CD36: variants seen among roughly 807,000 people sequenced by gnomAD.
CD36 encodes CD36 molecule (CD36 blood group), also known as platelet glycoprotein 4.
Under a neutral mutation model 55.2 loss-of-function variants are expected in CD36, and 119 were observed. The observed-to-expected ratio is 2.15, with a 90% CI of 1.86 to 2.51. The LOEUF is 2.51. CD36 is among the 30% of genes most tolerant of loss of function. CD36 has a pLI of 0.00. For missense variants in CD36, 819 were observed against 555.5 expected, an observed-to-expected ratio of 1.47 and a Z score of -4.77; for synonymous variants, 186 against 193.6, an observed-to-expected ratio of 0.96 and a Z score of 0.33.
rs1366012685 is a variant in CD36 at position 80,673,351 on chromosome 7, A to G, written c.1200-4A>G. The G allele has an allele frequency of 7.4e-7, 1 of 1,348,074 alleles. No individual in the cohort carries two copies. Among genetic ancestry groups the G allele is most frequent in the Non-Finnish European group, 1.1e-6 (1 of 941,420 alleles). The allele number at this position is 1,348,074 out of a possible 1,614,324, so 83.5% of individuals were successfully genotyped here. On this transcript the variant is annotated splice_polypyrimidine_tract_variant and splice_region_variant and intron_variant, in intron 12 of 14. Transcript: ENST00000447544. ...TTCATAATTATTTTCAACGTATATT[A>G]CAGAGTATTAAAGAATCTGAAGAGG...
At chr7:80,671,272 A>G in intron 10 of CD36, 108 bp downstream of exon 10, 3 of 700,334 alleles carry the variant, frequency 4.3e-6, no homozygotes, top group Admixed American at 2.6e-5. Flanking sequence ...ATATATCATA[A>G]TTTGTGATAT....
chr7:80,661,218 GACAA>G lies in CD36; in HGVS notation c.429+13_429+16del. On this transcript the variant is annotated intron_variant, in intron 5 of 14. Coordinates refer to ENST00000447544, the MANE Select transcript of CD36 (RefSeq NM_001001548.3). ...CTCAATCTGGCTGTGGCAGTGAGTA[GACAA>G]ACAACAAAGTTATCTATTTTAAAAT... is the stretch of plus-strand genomic sequence containing the variant. The G allele has an allele frequency of 6.2e-7, 1 of 1,612,642 alleles. No individual in the cohort carries two copies. The highest frequency in any genetic ancestry group is 1.1e-5 in the South Asian group (1 of 91,050).
At chr7:80,654,117 A>G (rs1380696843) in intron 3 of CD36, among the ~76,000 whole-genome samples, 5 of 152,144 alleles carry the variant, frequency 3.3e-5, no homozygotes, top group Non-Finnish European at 7.4e-5. Flanking sequence ...ATATTTTTTA[A>G]GGGAAAAGTG....
chr7:80,644,121 A>G (rs746837485), intron 1 of CD36, among the ~76,000 whole-genome samples: 2 of 152,204 alleles, frequency 1.3e-5, no homozygotes, highest in African/African-American at 2.4e-5. Flanking sequence ...TCTATTTGAC[A>G]ATATCCAGTC....
At chr7:80,654,460 G>A (rs1283348056) in intron 3 of CD36, among the ~76,000 whole-genome samples, 4 of 152,120 alleles carry the variant, frequency 2.6e-5, no homozygotes, top group Non-Finnish European at 5.9e-5. Context: ...GTTTGTGTTT[G>A]TGTGTTCTCC....
chr7:80,637,799 G>T (rs1794529181), upstream of CD36, among the ~76,000 whole-genome samples: 1 of 151,936 alleles, frequency 6.6e-6, no homozygotes. Context: ...CCCTGTGAAG[G>T]TTTTCCTGTA....
At chr7:80,650,571 T>G (rs1430362506) in intron 3 of CD36, among the ~76,000 whole-genome samples, 1 of 152,176 alleles carries the variant, frequency 6.6e-6, no homozygotes, top group Non-Finnish European at 1.5e-5. Context: ...AAAACTCATT[T>G]AATATTACTT....
At chr7:80,667,563 A>G (rs1458828760) in intron 8 of CD36, among the ~76,000 whole-genome samples, 2 of 152,032 alleles carry the variant, frequency 1.3e-5, no homozygotes, top group African/African-American at 2.4e-5. Flanking sequence ...TAGGAAAATG[A>G]TATAACAAAG....
intron 1 of CD36, among the ~76,000 whole-genome samples, chr7:80,607,487 TAAG>T (rs1408219903): frequency 6.6e-6 from 1 of 152,174 alleles, no homozygotes; most frequent in Non-Finnish European, 1.5e-5. Flanking sequence ...TTTTTACAAA[TAAG>T]GACATGGAGG....
chr7:80,605,257 C>A (rs1792476876), intron 1 of CD36, among the ~76,000 whole-genome samples: 1 of 152,096 alleles, frequency 6.6e-6, no homozygotes, highest in Admixed American at 6.6e-5. Context: ...TTAATGAACA[C>A]CTACACTGCT....
At chr7:80,664,864 A>C (rs1183454663) in intron 7 of CD36, among the ~76,000 whole-genome samples, 4 of 150,154 alleles carry the variant, frequency 2.7e-5, no homozygotes, top group East Asian at 1.9e-4. Flanking sequence ...AAAAAAAAAA[A>C]AACAACACAT....
chr7:80,666,376 A>C, intron 7 of CD36, 67 bp from the exon 8 acceptor site: 2 of 1,044,050 alleles, frequency 1.9e-6, no homozygotes. Context: ...ATTATAATAG[A>C]AAAAGTAATG....
intron 1 of CD36, among the ~76,000 whole-genome samples, chr7:80,619,593 G>A (rs1793343118): frequency 6.8e-6 from 1 of 146,216 alleles, no homozygotes; most frequent in African/African-American, 2.5e-5. Context: ...ATTGCAGTGA[G>A]CCTATTTTGC....
chr7:80,672,795 C>T lies in CD36; in HGVS notation c.1151C>T (p.Ala384Val), dbSNP rs1562825319. The change falls in exon 12 of 15, where the codon GCA (alanine) becomes GTA (valine). Residue 384 changes from alanine (A) to valine (V), a missense_variant. By Grantham distance (64) the Ala-to-Val change is moderately conservative. Coordinates refer to ENST00000447544, the MANE Select transcript of CD36 (RefSeq NM_001001548.3). ...EPITGFTLQFAKRLQVNLLVK... is the reference protein window; with the variant it reads ...EPITGFTLQFVKRLQVNLLVK... ...ATAACTGGATTCACTTTACAATTTG[C>T]AAAACGGCTGCAGGTCAACCTATTG... 8.1e-6 allele frequency: 13 copies of T among 1,609,534 alleles called. No individual in the cohort carries two copies. Among genetic ancestry groups the T allele is most frequent in the Non-Finnish European group, 9.3e-6 (11 of 1,177,610 alleles).
rs533573899 is a variant in CD36, at chr7:80,674,483, G to A, written c.*336G>A. On this transcript the variant is annotated intron_variant, in intron 14 of 14. Transcript: ENST00000447544. The stretch of plus-strand genomic sequence containing the variant: ...TATTATCTGATACTTAAAAATAATT[G>A]ACTAGGAAATGGTTTCATAAGACCA... The A allele has an allele frequency of 2.6e-3, 682 of 259,862 alleles. 4 individuals are homozygous for A. In the Middle Eastern group the frequency reaches 0.027, roughly 10 times the overall value. The allele number at this position is 259,862 out of a possible 1,614,324, so 16.1% of individuals were successfully genotyped here. A position where few individuals can be genotyped will look rare whatever the true frequency, so the allele number is the denominator to read the frequency against.
rs57312550 is a variant in CD36 at position 80,623,379 on chromosome 7, C to A, written c.-184+21000C>A. ...TGGCAGAGTTCTGAGCACATAGTGA[C>A]CATGTGATAAATATTAATTCAGTAT... On this transcript the variant is annotated intron_variant, in intron 1 of 13. Transcript: ENST00000309881. 8.5e-3 allele frequency among the ~76,000 whole-genome samples: 1,292 copies of A among 152,162 alleles called. 61 individuals carry two copies. The East Asian group carries it at 0.11, about 12-fold the overall frequency.
intron 14 of CD36, among the ~76,000 whole-genome samples, chr7:80,675,492 T>TTTATAGCTAAATTA (rs1798124769): frequency 6.6e-6 from 1 of 152,180 alleles, no homozygotes; most frequent in Non-Finnish European, 1.5e-5. Flanking sequence ...CTTGGGTCTA[T>TTTATAGCTAAATTA]TTATAGCTAA....
chr7:80,676,244 T>C (rs564616802), intron 14 of CD36, 140 bp from the exon 15 acceptor site: 1 of 152,294 alleles, frequency 6.6e-6, no homozygotes, highest in African/African-American at 2.4e-5. Flanking sequence ...GGTGGCACTA[T>C]TTCTTTTTTT....
At chr7:80,610,907 TCTC>T (rs1792845483) in intron 1 of CD36, among the ~76,000 whole-genome samples, 1 of 131,712 alleles carries the variant, frequency 7.6e-6, no homozygotes, top group African/African-American at 3.8e-5. Context: ...GGGTCTGCTC[TCTC>T]TGTCAGTCAG....
Sources: allele counts gnomAD v4.1 joint callset (sites outside exome capture counted in the v4.1 genomes callset), GRCh38; gene constraint gnomAD v4.1.1; transcripts MANE v1.5; gene names NCBI Gene and HGNC (gene_info 2026-07-23, HGNC 2026-07-21).